The following TENM4 variants were observed in gnomAD, a reference collection of about 807,000 sequenced individuals.
TENM4 encodes teneurin-4.
A neutral mutation model predicts 243.3 loss-of-function variants in TENM4; 82 were observed. That is an observed-to-expected ratio of 0.34 (90% CI 0.28 to 0.40). The LOEUF is 0.40. Among genes scored for constraint, TENM4 ranks in the 10% least tolerant of loss-of-function variants. The probability of loss-of-function intolerance (pLI) is 1.00; values close to 1 mark genes in which losing one functional copy is unlikely to be tolerated. For synonymous variants in TENM4, 1,412 were observed against 1,456.3 expected (o/e 0.97, Z 0.69); for missense variants, 3,138 against 3,673.3 (o/e 0.85, Z 3.77).
chr11:79,229,334 A>T (rs149379243), intron 2 of TENM4, among the ~76,000 whole-genome samples: 120 of 152,272 alleles, frequency 7.9e-4, no homozygotes, highest in Non-Finnish European at 1.4e-3. Context: ...TCCACAACCT[A>T]CTTCTCCAGC....
At chr11:78,843,132 G>C (rs1858301349) in intron 12 of TENM4, among the ~76,000 whole-genome samples, 1 of 152,094 alleles carries the variant, frequency 6.6e-6, no homozygotes, top group African/African-American at 2.4e-5. Flanking sequence ...TAAAAAATTA[G>C]CTGGGCATGG....
chr11:79,071,932 G>T (rs779659932), intron 4 of TENM4, among the ~76,000 whole-genome samples: 1 of 152,230 alleles, frequency 6.6e-6, no homozygotes, highest in African/African-American at 2.4e-5. Context: ...ACACTGTTTT[G>T]GTTCCCGATT....
intron 6 of TENM4, among the ~76,000 whole-genome samples, chr11:78,979,441 C>T (rs1351121866): frequency 6.6e-6 from 1 of 152,220 alleles, no homozygotes; most frequent in African/African-American, 2.4e-5. Flanking sequence ...TCAGTGGCCC[C>T]TTGCTAGAGA....
chr11:79,243,360 C>T (rs1855458658), intron 2 of TENM4, among the ~76,000 whole-genome samples: 1 of 152,084 alleles, frequency 6.6e-6, no homozygotes, highest in African/African-American at 2.4e-5. Flanking sequence ...ATTTTGCGGT[C>T]CATTTTGAAT....
chr11:78,995,696 T>A (rs999928616), intron 6 of TENM4, among the ~76,000 whole-genome samples: 1 of 151,776 alleles, frequency 6.6e-6, no homozygotes, highest in African/African-American at 2.4e-5. Flanking sequence ...ATCACTGCTT[T>A]TTTTTTTTTT....
In TENM4 at chr11:78,871,822, C is replaced by G. The variant is rs572288942; in HGVS notation, c.1085-8690G>C. ...GGGATTATTCCAGTCATCTCTGCCCCCCCAGAACCTGGTCCAAAGGGGTGA... is the reference window on the plus strand; with the variant it reads ...GGGATTATTCCAGTCATCTCTGCCCGCCCAGAACCTGGTCCAAAGGGGTGA... On this transcript the variant is annotated intron_variant, in intron 9 of 33. Transcript: ENST00000278550. Among the ~76,000 whole-genome samples, 6 of 152,210 alleles carry G rather than the reference C, an allele frequency of 3.9e-5. No homozygotes were observed. The South Asian group carries it at 1.2e-3, about 32-fold the overall frequency.
In TENM4 at chr11:79,438,511, G is replaced by A. The variant is rs995842579; in HGVS notation, c.-321+1998C>T. 1.1e-4 allele frequency among the ~76,000 whole-genome samples: 17 copies of A among 151,552 alleles called. No individual in the cohort carries two copies. Among genetic ancestry groups the A allele is most frequent in the African/African-American group, 4.1e-4 (17 of 41,284 alleles). On this transcript the variant is annotated intron_variant, in intron 1 of 33. Transcript: ENST00000278550. This position sits in a 1 kb window ranked among gnomAD's most constrained non-coding sequence, Gnocchi z 4.1. ...TAAGGGTGGCAGCCCGGCAGAGCCA[G>A]CGTTCTACTCCCTCTAACCCCTCGC...
intron 4 of TENM4, among the ~76,000 whole-genome samples, chr11:79,118,630 T>A (rs1483736972): frequency 6.6e-6 from 1 of 152,206 alleles, no homozygotes; most frequent in Non-Finnish European, 1.5e-5. Flanking sequence ...TCTAGGTACC[T>A]CTTAAAAGTG....
intron 6 of TENM4, among the ~76,000 whole-genome samples, chr11:79,034,706 G>A (rs1192887447): frequency 3.9e-5 from 6 of 152,058 alleles, no homozygotes; most frequent in Admixed American, 3.3e-4. Flanking sequence ...GTGGTCAGAC[G>A]GGCCTGGAAA....
chr11:79,280,485 C>T (rs1013380381), intron 2 of TENM4, among the ~76,000 whole-genome samples: 2 of 152,220 alleles, frequency 1.3e-5, no homozygotes, highest in African/African-American at 4.8e-5. Context: ...TGAGTGGGAA[C>T]AGGAGAAGCA....
intron 6 of TENM4, among the ~76,000 whole-genome samples, chr11:78,948,374 C>CTTT (rs200520007): frequency 7.2e-6 from 1 of 138,762 alleles, no homozygotes; most frequent in Non-Finnish European, 1.6e-5. Flanking sequence ...TCCCAACTGT[C>CTTT]TTTTTTTTTT....
intron 3 of TENM4, among the ~76,000 whole-genome samples, chr11:79,152,167 C>A (rs906847184): frequency 1.3e-5 from 2 of 152,162 alleles, no homozygotes; most frequent in African/African-American, 4.8e-5. Context: ...TTCTGAAGAT[C>A]TGTGTTCCAT....
intron 1 of TENM4, among the ~76,000 whole-genome samples, chr11:79,326,026 C>G (rs1347728051): frequency 1.3e-5 from 2 of 152,332 alleles, no homozygotes; most frequent in African/African-American, 4.8e-5. Flanking sequence ...CTTTGGGTTG[C>G]ATGCCTATTA....
In TENM4 at chr11:78,859,197, T is replaced by A. The variant is rs78530475; in HGVS notation, c.1256-3019A>T. Among the ~76,000 whole-genome samples the A allele has an allele frequency of 5.1e-3, 773 of 152,158 alleles. 6 individuals are homozygous for A. The highest frequency in any genetic ancestry group is 0.017 in the Middle Eastern group (5 of 294). ...CCCATTAAAAAACTTCCTGGCATCC[T>A]AGGGTACAAAAAGATCATTTGTATG... On this transcript the variant is annotated intron_variant, in intron 10 of 33. Coordinates refer to ENST00000278550, the MANE Select transcript of TENM4 (RefSeq NM_001098816.3).
chr11:79,415,763 AC>A (rs1258783737), intron 1 of TENM4, among the ~76,000 whole-genome samples: 2 of 152,236 alleles, frequency 1.3e-5, no homozygotes, highest in Non-Finnish European at 2.9e-5. Context: ...AATAAACTGT[AC>A]ATGTTTAAAT....
intron 4 of TENM4, among the ~76,000 whole-genome samples, chr11:79,099,861 G>A (rs932148864): frequency 2.6e-5 from 4 of 152,224 alleles, no homozygotes; most frequent in Non-Finnish European, 4.4e-5. Context: ...CACTTGTACT[G>A]TAACCTTCAT....
At chr11:78,766,378 A>G (rs1277629272) in intron 18 of TENM4, among the ~76,000 whole-genome samples, 5 of 152,214 alleles carry the variant, frequency 3.3e-5, no homozygotes, top group African/African-American at 9.6e-5. Flanking sequence ...AAACATCCCT[A>G]TAAGAGGATA....
intron 9 of TENM4, among the ~76,000 whole-genome samples, chr11:78,868,758 A>AC (rs1235806239): frequency 6.6e-6 from 1 of 152,106 alleles, no homozygotes; most frequent in Non-Finnish European, 1.5e-5. Context: ...GAATGCACAA[A>AC]CCCACTTGCA....
At chr11:79,138,607 T>C in intron 4 of TENM4, among the ~76,000 whole-genome samples, 1 of 105,406 alleles carries the variant, frequency 9.5e-6, no homozygotes, top group Non-Finnish European at 1.7e-5. Flanking sequence ...ATATTATATT[T>C]ATATAAATAC....
Sources: allele counts gnomAD v4.1 joint callset (sites outside exome capture counted in the v4.1 genomes callset), GRCh38; gene constraint gnomAD v4.1.1; non-coding constraint Gnocchi (gnomAD v3.1); transcripts MANE v1.5; gene names NCBI Gene and HGNC (gene_info 2026-07-23, HGNC 2026-07-21).